The following FGF5 variants were observed in gnomAD, a reference collection of about 807,000 sequenced individuals.
FGF5 encodes heparin-binding growth factor 5.
In FGF5, 23 loss-of-function variants were observed where a neutral mutation model predicts 21.8. That is an observed-to-expected ratio of 1.05 (90% CI 0.76 to 1.49). FGF5 has a LOEUF of 1.49. FGF5 is among the 40% of genes most tolerant of loss of function. FGF5 has a pLI of 0.00. For missense variants in FGF5, 352 were observed against 332.9 expected (o/e 1.06, Z -0.45); for synonymous variants, 158 against 124.0 (o/e 1.27, Z -1.82).
intron 2 of FGF5, 84 bp from the exon 3 acceptor site, chr4:80,286,241 T>A: frequency 1.1e-6 from 1 of 945,916 alleles, no homozygotes; most frequent in Non-Finnish European, 1.6e-6. Flanking sequence ...AAATTATTGT[T>A]TTTTTTTCTA....
chr4:80,271,990 G>A (rs1720283714), intron 1 of FGF5, among the ~76,000 whole-genome samples: 1 of 152,170 alleles, frequency 6.6e-6, no homozygotes, highest in Admixed American at 6.5e-5. Flanking sequence ...ACTGAACTGT[G>A]AGACTCATTG....
At chr4:80,279,906 C>T (rs1273149898) in intron 2 of FGF5, among the ~76,000 whole-genome samples, 1 of 152,194 alleles carries the variant, frequency 6.6e-6, no homozygotes, top group Non-Finnish European at 1.5e-5. Flanking sequence ...TGTGCTTGAT[C>T]AGTCCTAAGC....
intron 2 of FGF5, among the ~76,000 whole-genome samples, chr4:80,278,652 A>G (rs922363619): frequency 4.6e-5 from 7 of 152,184 alleles, no homozygotes. Flanking sequence ...TGCTGATTCC[A>G]TTTTTGTGCT....
rs777203075 is a variant in FGF5, at chr4:80,286,607, C to T, written c.742C>T (p.Pro248Ser). Residue 248 changes from proline to serine, a missense_variant, in exon 3 of 3, where the codon CCC (proline) becomes TCC (serine). Transcript: ENST00000312465. ...KPPSPIKPKI[P>S]LSAPRKNTNS... Reference sequence around the variant, plus strand: ...ACCTAGCCCTATCAAGCCAAAGATTCCCCTTTCTGCACCTCGGAAAAATAC... The same window carrying T: ...ACCTAGCCCTATCAAGCCAAAGATTTCCCTTTCTGCACCTCGGAAAAATAC... The T allele has an allele frequency of 7.4e-6, 12 of 1,613,948 alleles. No homozygotes were observed. Among genetic ancestry groups the T allele is most frequent in the Non-Finnish European group, 1.0e-5 (12 of 1,179,978 alleles).
chr4:80,281,833 G>C (rs1431085225), intron 2 of FGF5, among the ~76,000 whole-genome samples: 2 of 152,096 alleles, frequency 1.3e-5, no homozygotes, highest in African/African-American at 4.8e-5. Context: ...GTCATTTCTG[G>C]AATATTGTAG....
chr4:80,270,719 G>T (rs1194211005), intron 1 of FGF5, among the ~76,000 whole-genome samples: 1 of 152,168 alleles, frequency 6.6e-6, no homozygotes, highest in Non-Finnish European at 1.5e-5. Flanking sequence ...TTGAAGAATA[G>T]GCAATCAAGT....
chr4:80,289,868 A>G lies in FGF5; in HGVS notation c.*3196A>G, dbSNP rs1560504211. 6.6e-6 allele frequency: 1 copy of G among 152,176 alleles called. No individual in the cohort carries two copies. The highest frequency in any genetic ancestry group is 1.5e-5 in the Non-Finnish European group (1 of 68,014). 9.4% of individuals were successfully genotyped at this position (152,176 alleles called of 1,614,324 possible). ...TGTGTATATATTATAAAAATTACAT[A>G]TATAAAACTAAGGCTTTTATTTCTG... On this transcript the variant is annotated 3_prime_UTR_variant, in exon 3 of 3. Transcript: ENST00000312465.
At chr4:80,267,325 T>C in intron 1 of FGF5, 146 bp downstream of exon 1, 2 of 669,618 alleles carry the variant, frequency 3.0e-6, no homozygotes, top group South Asian at 1.9e-5. Flanking sequence ...GCCGGGCGGG[T>C]TGGGTGGAGA....
At chr4:80,271,399 G>A (rs1284802137) in intron 1 of FGF5, among the ~76,000 whole-genome samples, 1 of 151,492 alleles carries the variant, frequency 6.6e-6, no homozygotes, top group Non-Finnish European at 1.5e-5. Context: ...TCCACAAAGA[G>A]AATAATTCCT....
chr4:80,278,126 A>G (rs1360714145), intron 2 of FGF5, among the ~76,000 whole-genome samples: 1 of 152,186 alleles, frequency 6.6e-6, no homozygotes, highest in Non-Finnish European at 1.5e-5. Context: ...TTCAAAGAAG[A>G]TATTAAATTT....
chr4:80,284,447 A>G (rs1369669622), intron 2 of FGF5, among the ~76,000 whole-genome samples: 1 of 151,660 alleles, frequency 6.6e-6, no homozygotes, highest in Middle Eastern at 3.4e-3. Flanking sequence ...AACAACAACA[A>G]TAACAAAACA....
At position 80,288,811 on chromosome 4, in the gene FGF5, T is replaced by A. The variant is rs1720815485; in HGVS notation, c.*2139T>A. Reference sequence around the variant, plus strand: ...GCTTGTAGGCTACATTAAACTCAAATGTAATAGTTTATCTTATACTCCTGG... The same window carrying A: ...GCTTGTAGGCTACATTAAACTCAAAAGTAATAGTTTATCTTATACTCCTGG... On this transcript the variant is annotated 3_prime_UTR_variant, in exon 3 of 3. Transcript: ENST00000312465. The A allele has an allele frequency of 6.6e-6, 1 of 152,608 alleles. No homozygotes were observed. The allele number at this position is 152,608 out of a possible 1,614,324, so 9.5% of individuals were successfully genotyped here. A position where few individuals can be genotyped will look rare whatever the true frequency, so the allele number is the denominator to read the frequency against.
At chr4:80,269,877 C>T (rs1374338070) in intron 1 of FGF5, among the ~76,000 whole-genome samples, 1 of 151,714 alleles carries the variant, frequency 6.6e-6, no homozygotes, top group East Asian at 1.9e-4. Flanking sequence ...TCTAATACTA[C>T]TTCATAAAAT....
chr4:80,266,786 GC>G lies in FGF5; in HGVS notation c.-36del. 6.7e-7 allele frequency: 1 copy of G among 1,502,732 alleles called. No individual in the cohort carries two copies. Among genetic ancestry groups the G allele is most frequent in the Non-Finnish European group, 8.9e-7 (1 of 1,117,592 alleles). 93.1% of individuals were successfully genotyped at this position (1,502,732 alleles called of 1,614,324 possible). ...ACAGGGGCTACAGAGCCCAGAATCA[GC>G]CCTACAAGATGCACTTAGGACCCCC... On this transcript the variant is annotated 5_prime_UTR_variant, in exon 1 of 3. It introduces an in-frame stop codon into an upstream open reading frame of the 5' UTR. Coordinates refer to ENST00000312465, the MANE Select transcript of FGF5 (RefSeq NM_004464.4).
chr4:80,278,272 G>A (rs894469047), intron 2 of FGF5, among the ~76,000 whole-genome samples: 1 of 152,010 alleles, frequency 6.6e-6, no homozygotes, highest in Non-Finnish European at 1.5e-5. Flanking sequence ...TATTTAATAG[G>A]CAAATAAACA....
chr4:80,268,587 T>C, intron 1 of FGF5: 1 of 933,392 alleles, frequency 1.1e-6, no homozygotes, highest in Non-Finnish European at 1.3e-6. Flanking sequence ...GTAGGCTGGC[T>C]AGCCTCCTCC....
intron 2 of FGF5, among the ~76,000 whole-genome samples, chr4:80,277,689 C>T (rs1370084607): frequency 2.0e-5 from 3 of 152,030 alleles, no homozygotes; most frequent in African/African-American, 7.2e-5. Flanking sequence ...TAGGATTAAA[C>T]TTGTAATTTG....
chr4:80,282,786 T>G (rs1043401134), intron 2 of FGF5, among the ~76,000 whole-genome samples: 58 of 151,802 alleles, frequency 3.8e-4, no homozygotes, highest in Non-Finnish European at 6.3e-4. Context: ...ATTTCAGGGG[T>G]TTTTTTTCTA....
intron 2 of FGF5, among the ~76,000 whole-genome samples, chr4:80,284,167 G>A (rs981629045): frequency 6.6e-6 from 1 of 152,154 alleles, no homozygotes; most frequent in Non-Finnish European, 1.5e-5. Context: ...GGGTGCGGTG[G>A]CTCACACCTG....
Sources: allele counts gnomAD v4.1 joint callset (sites outside exome capture counted in the v4.1 genomes callset), GRCh38; gene constraint gnomAD v4.1.1; transcripts MANE v1.5; gene names NCBI Gene and HGNC (gene_info 2026-07-23, HGNC 2026-07-21).